Variants in AP3B1 observed in about 807,000 individuals in gnomAD.
AP3B1 encodes AP-3 complex subunit beta-1.
In AP3B1, 61 loss-of-function variants were observed where a neutral mutation model predicts 132.5. The ratio of observed to expected loss-of-function variants is 0.46; its 90% confidence interval spans 0.37 to 0.57. AP3B1 has a LOEUF of 0.57. Ranked by LOEUF, AP3B1 falls within the 20% of genes least tolerant of loss-of-function variation. The pLI is 0.00. For synonymous variants in AP3B1, 388 were observed against 438.3 expected (o/e 0.89, Z 1.43); for missense variants, 1,120 against 1,289.4 (o/e 0.87, Z 2.01).
intron 22 of AP3B1, among the ~76,000 whole-genome samples, chr5:78,081,344 G>A (rs1328288723): frequency 1.7e-5 from 2 of 115,536 alleles, no homozygotes; most frequent in African/African-American, 6.6e-5. Context: ...GTCTTGCTCT[G>A]TCGCCCAGGC....
rs555033662 is a variant in AP3B1 at position 78,163,023 on chromosome 5, C to T, written c.1231-72G>A. ...TAACCAAAACTCCGATTATATTAAACTTTGTCAATATATAAGAATTCCAGA... is the reference window on the plus strand; with the variant it reads ...TAACCAAAACTCCGATTATATTAAATTTTGTCAATATATAAGAATTCCAGA... On this transcript the variant is annotated intron_variant, in intron 12 of 26. Coordinates refer to ENST00000255194, the MANE Select transcript of AP3B1 (RefSeq NM_003664.5). 8.7e-5 allele frequency: 124 copies of T among 1,429,772 alleles called. No individual in the cohort carries two copies. The South Asian group carries it at 1.3e-3, about 15-fold the overall frequency. The allele number at this position is 1,429,772 out of a possible 1,614,324, so 88.6% of individuals were successfully genotyped here. A position where few individuals can be genotyped will look rare whatever the true frequency, so the allele number is the denominator to read the frequency against.
intron 15 of AP3B1, among the ~76,000 whole-genome samples, chr5:78,133,311 T>C (rs1220764433): frequency 6.6e-6 from 1 of 152,164 alleles, no homozygotes; most frequent in Non-Finnish European, 1.5e-5. Context: ...ATGTTACATC[T>C]AGAAAGGGTG....
intron 21 of AP3B1, among the ~76,000 whole-genome samples, chr5:78,096,620 G>A (rs1407605684): frequency 4.0e-5 from 6 of 149,234 alleles, no homozygotes; most frequent in Middle Eastern, 3.4e-3. Flanking sequence ...CCTTTGCCCC[G>A]CCGCCCCATC....
chr5:78,110,050 A>AT (rs1057030946), intron 20 of AP3B1, among the ~76,000 whole-genome samples, 157 bp downstream of exon 20: 5 of 152,272 alleles, frequency 3.3e-5, no homozygotes, highest in South Asian at 2.1e-4. Context: ...AAGGGATGAG[A>AT]TTTTTTAAAG....
At chr5:78,229,976 T>A (rs978633542) in intron 3 of AP3B1, among the ~76,000 whole-genome samples, 1 of 152,096 alleles carries the variant, frequency 6.6e-6, no homozygotes, top group African/African-American at 2.4e-5. Context: ...TCCTCTACCA[T>A]CCTGTTTGCT....
intron 8 of AP3B1, 69 bp from the exon 9 acceptor site, chr5:78,177,505 C>G: frequency 9.1e-7 from 1 of 1,100,684 alleles, no homozygotes; most frequent in Non-Finnish European, 1.4e-6. Flanking sequence ...AAAATCCATT[C>G]CTACACATTA....
chr5:78,225,137 C>G (rs928783301), intron 6 of AP3B1, among the ~76,000 whole-genome samples: 1 of 152,090 alleles, frequency 6.6e-6, no homozygotes, highest in African/African-American at 2.4e-5. Context: ...CTGATGATAG[C>G]ATCCTAAGAT....
intron 22 of AP3B1, among the ~76,000 whole-genome samples, chr5:78,078,383 A>G (rs1385318716): frequency 4.6e-5 from 7 of 152,198 alleles, no homozygotes; most frequent in African/African-American, 1.7e-4. Context: ...TCTGATCACT[A>G]TCAATAACCT....
At chr5:78,015,710 T>A in intron 25 of AP3B1, 162 bp from the exon 26 acceptor site, 1 of 694,536 alleles carries the variant, frequency 1.4e-6, no homozygotes, top group Non-Finnish European at 2.3e-6. Context: ...CAAAATGCAA[T>A]TGTTTCGAAG....
chr5:78,015,351 T>C (rs1319272778), intron 26 of AP3B1, 59 bp downstream of exon 26: 1 of 1,531,696 alleles, frequency 6.5e-7, no homozygotes, highest in Non-Finnish European at 9.0e-7. Context: ...AATTTAAAAT[T>C]ATATATTTAT....
At chr5:78,060,541 T>A (rs2112142630) in intron 22 of AP3B1, among the ~76,000 whole-genome samples, 1 of 152,328 alleles carries the variant, frequency 6.6e-6, no homozygotes, top group Non-Finnish European at 1.5e-5. Flanking sequence ...TTGGCAGCAT[T>A]AGTAATTCCT....
In AP3B1 at chr5:78,020,898, A is replaced by G. The variant is rs145450651; in HGVS notation, c.2895-109T>C. 6.5e-4 allele frequency: 576 copies of G among 888,182 alleles called. 2 individuals carry two copies. The African/African-American group carries it at 8.5e-3, about 13-fold the overall frequency. 55.0% of individuals were successfully genotyped at this position (888,182 alleles called of 1,614,324 possible). A position where few individuals can be genotyped will look rare whatever the true frequency, so the allele number is the denominator to read the frequency against. On this transcript the variant is annotated intron_variant, in intron 24 of 26. Transcript: ENST00000255194. The stretch of plus-strand genomic sequence containing the variant: ...CCTATGCTAGCATATACAGTATAAG[A>G]CCTTTTTGGTTTAAACATCACAGCT...
rs556883830 is a variant in AP3B1, at chr5:78,089,301, C to T, written c.2577+92G>A. On this transcript the variant is annotated intron_variant, in intron 22 of 26. Transcript: ENST00000255194. Reference sequence around the variant, plus strand: ...TTCTTAGAGAAGAATCTGTTCAAAACTAAGAATCCACTTCAAGTATTTACA... The same window carrying T: ...TTCTTAGAGAAGAATCTGTTCAAAATTAAGAATCCACTTCAAGTATTTACA... The T allele has an allele frequency of 9.4e-6, 9 of 957,254 alleles. No individual in the cohort carries two copies. In the African/African-American group the frequency reaches 9.8e-5, roughly 10 times the overall value. 59.3% of individuals were successfully genotyped at this position (957,254 alleles called of 1,614,324 possible). A position where few individuals can be genotyped will look rare whatever the true frequency, so the allele number is the denominator to read the frequency against.
At chr5:78,268,454 C>CAT (rs1160911039) in intron 1 of AP3B1, among the ~76,000 whole-genome samples, 1 of 152,124 alleles carries the variant, frequency 6.6e-6, no homozygotes, top group African/African-American at 2.4e-5. Context: ...TGTGGTCACA[C>CAT]ATACACACAT....
intron 22 of AP3B1, among the ~76,000 whole-genome samples, chr5:78,049,647 T>C (rs1176851538): frequency 6.6e-6 from 1 of 152,202 alleles, no homozygotes; most frequent in African/African-American, 2.4e-5. Context: ...TATTTCTCAC[T>C]ACTGCCACTG....
At chr5:78,221,614 TAGAAAAAGA>T (rs1746180891) in intron 6 of AP3B1, among the ~76,000 whole-genome samples, 2 of 150,184 alleles carry the variant, frequency 1.3e-5, no homozygotes, top group Admixed American at 1.3e-4. Flanking sequence ...TAAAGAAAGG[TAGAAAAAGA>T]ACCAAAAGAA....
At chr5:78,104,453 G>C (rs1430535030) in intron 20 of AP3B1, among the ~76,000 whole-genome samples, 1 of 151,974 alleles carries the variant, frequency 6.6e-6, no homozygotes, top group Non-Finnish European at 1.5e-5. Context: ...TTTTATTTTA[G>C]AGAACTTAAA....
chr5:78,026,630 C>A (rs1273030382), intron 24 of AP3B1, among the ~76,000 whole-genome samples: 1 of 152,180 alleles, frequency 6.6e-6, no homozygotes, highest in Admixed American at 6.5e-5. Context: ...TTATACTTGG[C>A]TAGATCTATT....
At chr5:78,201,515 T>C (rs534845226) in intron 7 of AP3B1, among the ~76,000 whole-genome samples, 38 of 152,144 alleles carry the variant, frequency 2.5e-4, no homozygotes, top group Non-Finnish European at 4.3e-4. Context: ...ACTAATACAA[T>C]GTGGATCAAT....
Sources: allele counts gnomAD v4.1 joint callset (sites outside exome capture counted in the v4.1 genomes callset), GRCh38; gene constraint gnomAD v4.1.1; transcripts MANE v1.5; gene names NCBI Gene and HGNC (gene_info 2026-07-23, HGNC 2026-07-21).